FLNC: variants seen among roughly 807,000 people sequenced by gnomAD.
FLNC encodes filamin-C.
Under a neutral mutation model 254.3 loss-of-function variants are expected in FLNC, and 91 were observed. That is an observed-to-expected ratio of 0.36 (90% CI 0.30 to 0.43). The LOEUF (loss-of-function observed/expected upper bound fraction) is 0.43, where lower values mean the gene tolerates loss of function less well. Among genes scored for constraint, FLNC ranks in the 20% least tolerant of loss-of-function variants. The probability of loss-of-function intolerance (pLI) is 1.00; values close to 1 mark genes in which losing one functional copy is unlikely to be tolerated. For synonymous variants in FLNC, 1,430 were observed against 1,577.2 expected (o/e 0.91, Z 2.21); for missense variants, 2,853 against 3,802.6 (o/e 0.75, Z 6.57).
Position 128,856,478 on chromosome 7 carries a change from G to A in FLNC, c.7252-40G>A, listed in dbSNP as rs202028592. Reference sequence around the variant, plus strand: ...CTTCAGAGAAGACTGCTCCAGCCCCGGCCTCCCAGGAGTCTGAGCATCCTC... The same window carrying A: ...CTTCAGAGAAGACTGCTCCAGCCCCAGCCTCCCAGGAGTCTGAGCATCCTC... On this transcript the variant is annotated intron_variant, in intron 43 of 47. Transcript: ENST00000325888. The surrounding 1 kb of genome is among the most constrained non-coding windows in gnomAD (Gnocchi z 5.9). 35 of 1,606,648 alleles carry A rather than the reference G, an allele frequency of 2.2e-5. No individual in the cohort carries two copies. Among genetic ancestry groups the A allele is most frequent in the South Asian group, 1.2e-4 (11 of 91,068 alleles).
chr7:128,849,302 C>T (rs377521268), intron 29 of FLNC, 29 bp from the exon 30 acceptor site: 4 of 1,613,994 alleles, frequency 2.5e-6, no homozygotes, highest in Non-Finnish European at 3.4e-6. Flanking sequence ...AGCCCACCAG[C>T]TCCCTGAGCA....
At chr7:128,831,090 G>A in intron 1 of FLNC, 101 bp downstream of exon 1, 1 of 1,110,368 alleles carries the variant, frequency 9.0e-7, no homozygotes, top group South Asian at 1.4e-5. Context: ...TGAGAGACAG[G>A]GCGGAGGGCA....
In FLNC at chr7:128,842,333, A is replaced by G. The variant is rs769224072; in HGVS notation, c.2224A>G (p.Ile742Val). The G allele has an allele frequency of 3.7e-6, 6 of 1,613,536 alleles. No homozygotes were observed. In the South Asian group the frequency reaches 6.6e-5, roughly 18 times the overall value. The change falls in exon 14 of 48, where the codon ATC becomes GTC. Residue 742 changes from isoleucine to valine, a missense_variant. Physicochemically the swap from Ile to Val is conservative, Grantham distance 29. This residue lies in a region of FLNC where 1,573 missense variants were observed against 1,883.5 expected (regional missense o/e 0.84). Coordinates refer to ENST00000325888, the MANE Select transcript of FLNC (RefSeq NM_001458.5). The surrounding 1 kb of genome is among the most constrained non-coding windows in gnomAD (Gnocchi z 5.4). ...CAAGCCCATTAAGCACACCATCATC[A>G]TCTCCTGGGGAGGCGTAAACGTGCC... ...PTKPIKHTIIISWGGVNVPKS... is the reference protein window; with the variant it reads ...PTKPIKHTIIVSWGGVNVPKS...
At chr7:128,855,136 G>C in intron 42 of FLNC, 63 bp from the exon 43 acceptor site, 1 of 1,228,534 alleles carries the variant, frequency 8.1e-7, no homozygotes, top group Non-Finnish European at 1.2e-6. Flanking sequence ...AGGCCAGGGT[G>C]GGGAGGCTCC....
chr7:128,848,196 G>GC (rs1808645681), intron 26 of FLNC, 128 bp downstream of exon 26: 2 of 1,198,578 alleles, frequency 1.7e-6, no homozygotes, highest in Non-Finnish European at 2.4e-6. Context: ...GTCCAGTCTC[G>GC]CCACCCCATC....
At position 128,846,849 on chromosome 7, in the gene FLNC, C is replaced by T. The variant is rs1808589575; in HGVS notation, c.4232C>T (p.Pro1411Leu). Reference protein sequence around the residue: ...KDGSCTVEYIPFTPGDYDVNI... With the variant: ...KDGSCTVEYILFTPGDYDVNI... ...GGTAGCTGCACCGTGGAGTACATCC[C>T]CTTCACTCCTGGAGACTATGACGTC... The change falls in exon 24 of 48, where the codon CCC becomes CTC. Residue 1411 changes from proline to leucine, a missense_variant. Around this residue, in one of 10 missense-constraint regions of FLNC, gnomAD observed 1,573 missense variants for 1,883.5 expected, o/e 0.84. Transcript: ENST00000325888. The T allele has an allele frequency of 6.2e-7, 1 of 1,614,118 alleles. No homozygotes were observed. Among genetic ancestry groups the T allele is most frequent in the African/African-American group, 1.3e-5 (1 of 74,948 alleles).
chr7:128,850,379 T>C lies in FLNC; in HGVS notation c.5299-5T>C. ...TCACTGACTGTTCCCTCTCACCTGCTGCAGGCCACAGAGGAGCCAGTGGTG... is the reference window on the plus strand; with the variant it reads ...TCACTGACTGTTCCCTCTCACCTGCCGCAGGCCACAGAGGAGCCAGTGGTG... On this transcript the variant is annotated splice_polypyrimidine_tract_variant and splice_region_variant and intron_variant, in intron 31 of 47. Coordinates refer to ENST00000325888, the MANE Select transcript of FLNC (RefSeq NM_001458.5). 1 of 1,612,474 alleles carries C rather than the reference T, an allele frequency of 6.2e-7. No individual in the cohort carries two copies. Among genetic ancestry groups the C allele is most frequent in the African/African-American group, 1.3e-5 (1 of 75,036 alleles).
Position 128,835,031 on chromosome 7 carries a change from G to T in FLNC, c.353-295G>T, listed in dbSNP as rs1361691292. Reference sequence around the variant, plus strand: ...CCTGGGAGCCTTACAATCCCACAAGGCCAGAAAGAAACCAGGTAATTACAT... The same window carrying T: ...CCTGGGAGCCTTACAATCCCACAAGTCCAGAAAGAAACCAGGTAATTACAT... On this transcript the variant is annotated intron_variant, in intron 1 of 47. Transcript: ENST00000325888. The surrounding 1 kb of genome is among the most constrained non-coding windows in gnomAD (Gnocchi z 5.3). 6.6e-6 allele frequency among the ~76,000 whole-genome samples: 1 copy of T among 152,178 alleles called. No individual in the cohort carries two copies. The highest frequency in any genetic ancestry group is 2.4e-5 in the African/African-American group (1 of 41,430).
rs767085251 is a variant in FLNC, at chr7:128,844,648, C to T, written c.3193-10C>T. On this transcript the variant is annotated splice_polypyrimidine_tract_variant and intron_variant, in intron 20 of 47. Transcript: ENST00000325888. ...GGTGCAGGGAACCCACAACCTGCCTCTTCCCCTAGGTCTGTGCTTATGGCC... is the reference window on the plus strand; with the variant it reads ...GGTGCAGGGAACCCACAACCTGCCTTTTCCCCTAGGTCTGTGCTTATGGCC... The T allele has an allele frequency of 1.9e-6, 3 of 1,609,290 alleles. No homozygotes were observed. The highest frequency in any genetic ancestry group is 2.2e-5 in the South Asian group (2 of 91,076).
Position 128,849,407 on chromosome 7 carries a change from G to A in FLNC, c.5028G>A (p.Gly1676=), listed in dbSNP as rs1808710897. 1 of 1,614,214 alleles carries A rather than the reference G, an allele frequency of 6.2e-7. No individual in the cohort carries two copies. Among genetic ancestry groups the A allele is most frequent in the African/African-American group, 1.3e-5 (1 of 75,074 alleles). ...TGGATGCCAAGGCAGCCGGTGAGGG[G>A]AAGGTGACATGCACGGTGTCCACGC... ...ITVDAKAAGE[G]KVTCTVSTPD... The change falls in exon 30 of 48, where the codon GGG becomes GGA. Residue 1676 remains glycine, a synonymous_variant. Transcript: ENST00000325888.
intron 25 of FLNC, 26 bp from the exon 26 acceptor site, chr7:128,847,919 C>G: frequency 6.2e-7 from 1 of 1,613,800 alleles, no homozygotes; most frequent in Non-Finnish European, 8.5e-7. Context: ...CCCGGAGGCT[C>G]TGCTGACCCT....
chr7:128,857,829 A>C lies in FLNC; in HGVS notation c.7781-179A>C, dbSNP rs940974624. Among the ~76,000 whole-genome samples the C allele has an allele frequency of 2.0e-5, 3 of 152,166 alleles. No individual in the cohort carries two copies. The highest frequency in any genetic ancestry group is 4.4e-5 in the Non-Finnish European group (3 of 68,040). ...GAGCACCAGTTGGAGCTGGCAGCTC[A>C]GGGCCCTGGCTGGGAATGAGGCTGT... On this transcript the variant is annotated intron_variant, in intron 46 of 47. Coordinates refer to ENST00000325888, the MANE Select transcript of FLNC (RefSeq NM_001458.5). This position sits in a 1 kb window ranked among gnomAD's most constrained non-coding sequence, Gnocchi z 4.5.
rs2128937796 is a variant in FLNC at position 128,849,360 on chromosome 7, G to A, written c.4981G>A (p.Gly1661Arg). ...GACLGPRIQI[G>R]QETVITVDAK... is the part of the protein sequence containing the mutation. Reference sequence around the variant, plus strand: ...CTGCCTGGGCCCTCGAATCCAGATTGGGCAGGAGACGGTGATCACGGTGGA... The same window carrying A: ...CTGCCTGGGCCCTCGAATCCAGATTAGGCAGGAGACGGTGATCACGGTGGA... Residue 1661 changes from glycine to arginine, a missense_variant, in exon 30 of 48, where the codon GGG becomes AGG. Coordinates refer to ENST00000325888, the MANE Select transcript of FLNC (RefSeq NM_001458.5). The A allele has an allele frequency of 6.2e-7, 1 of 1,614,148 alleles. No homozygotes were observed. Among genetic ancestry groups the A allele is most frequent in the Non-Finnish European group, 8.5e-7 (1 of 1,180,042 alleles).
Position 128,843,276 on chromosome 7 carries a change from T to C in FLNC, c.2598T>C (p.Asp866=). ...PFHIKVDPSH[D]ASKVKAEGPG... is the part of the protein sequence containing the mutation. ...ACATCAAGGTGGACCCATCCCACGA[T>C]GCCAGCAAAGTCAAGGCCGAGGGCC... Residue 866 remains aspartate, a synonymous_variant, in exon 17 of 48, where the codon GAT becomes GAC. Coordinates refer to ENST00000325888, the MANE Select transcript of FLNC (RefSeq NM_001458.5). The C allele has an allele frequency of 6.2e-7, 1 of 1,611,908 alleles. No individual in the cohort carries two copies. Among genetic ancestry groups the C allele is most frequent in the Non-Finnish European group, 8.5e-7 (1 of 1,178,998 alleles).
In FLNC at chr7:128,830,824, G is replaced by T. The variant is rs762095259; in HGVS notation, c.187G>T (p.Asp63Tyr). ...VGKRLTDLQRDLSDGLRLIAL... is the reference protein window; with the variant it reads ...VGKRLTDLQRYLSDGLRLIAL... ...CAAGCGCCTGACCGACCTGCAGCGC[G>T]ACCTCAGCGACGGGCTCCGGCTCAT... Residue 63 changes from aspartate (D) to tyrosine (Y), a missense_variant, in exon 1 of 48, where the codon GAC (aspartate) becomes TAC (tyrosine). This residue lies in a region of FLNC where 59 missense variants were observed against 59.8 expected (regional missense o/e 0.99). Coordinates refer to ENST00000325888, the MANE Select transcript of FLNC (RefSeq NM_001458.5). 1.9e-6 allele frequency: 3 copies of T among 1,613,088 alleles called. No individual in the cohort carries two copies. Among genetic ancestry groups the T allele is most frequent in the Non-Finnish European group, 2.5e-6 (3 of 1,179,946 alleles).
chr7:128,839,293 G>A (rs2128934656), intron 8 of FLNC, among the ~76,000 whole-genome samples: 1 of 152,354 alleles, frequency 6.6e-6, no homozygotes, highest in East Asian at 1.9e-4. Flanking sequence ...GCCGTTGTCT[G>A]TGTTCTGTGG....
At position 128,855,292 on chromosome 7, in the gene FLNC, G is replaced by A. The variant is rs558239439; in HGVS notation, c.7229G>A (p.Arg2410His). The change falls in exon 43 of 48, where the codon CGT (arginine) becomes CAT (histidine). Residue 2410 changes from arginine to histidine, a missense_variant. Transcript: ENST00000325888. ...GCCTCCCTCTCGGATGACGCTCGCCGTCTCACTGTCACCAGCCTCCAGGTT... is the reference window on the plus strand; with the variant it reads ...GCCTCCCTCTCGGATGACGCTCGCCATCTCACTGTCACCAGCCTCCAGGTT... ...PVASLSDDAR[R>H]LTVTSLQETG... is the part of the protein sequence containing the mutation. 1.6e-5 allele frequency: 26 copies of A among 1,612,490 alleles called. No individual in the cohort carries two copies. Among genetic ancestry groups the A allele is most frequent in the African/African-American group, 1.3e-4 (10 of 74,974 alleles).
Position 128,854,918 on chromosome 7 carries a change from C to T in FLNC, c.7135+6C>T, listed in dbSNP as rs774739675. ...CTATGTCGTCCAGGAACCAGGTGGG[C>T]GTCCACACTGGCAGTGGGGCTGGGC... On this transcript the variant is annotated splice_donor_region_variant and intron_variant, in intron 42 of 47. Transcript: ENST00000325888. 35 of 1,613,654 alleles carry T rather than the reference C, an allele frequency of 2.2e-5. No individual in the cohort carries two copies. The South Asian group carries it at 3.3e-4, about 15-fold the overall frequency.
At position 128,841,330 on chromosome 7, in the gene FLNC, C is replaced by G; in HGVS notation, c.1974C>G (p.Ile658Met). 6.2e-7 allele frequency: 1 copy of G among 1,614,048 alleles called. No homozygotes were observed. The highest frequency in any genetic ancestry group is 1.3e-5 in the African/African-American group (1 of 75,040). ...DIRDSPFIAH[I>M]LPAPPDCFPD... ...GAGACTCACCCTTCATTGCCCACAT[C>G]CTGCCCGCCCCACCTGACTGCTTCC... The change falls in exon 12 of 48, where the codon ATC (isoleucine) becomes ATG (methionine). Residue 658 changes from isoleucine (I) to methionine (M), a missense_variant. Ile to Met is a conservative substitution (Grantham distance 10, BLOSUM62 1). Around this residue, in one of 10 missense-constraint regions of FLNC, gnomAD observed 1,573 missense variants for 1,883.5 expected, o/e 0.84. Transcript: ENST00000325888. The surrounding 1 kb of genome is among the most constrained non-coding windows in gnomAD (Gnocchi z 4.3).
Sources: gnomAD v4.1 joint callset for allele counts (sites outside exome capture counted in the v4.1 genomes callset) on GRCh38, gnomAD v4.1.1 for gene constraint, gnomAD v4.1.1 regional missense constraint, Gnocchi (gnomAD v3.1) non-coding constraint, MANE v1.5 for transcripts, NCBI Gene and HGNC (gene_info 2026-07-23, HGNC 2026-07-21) for gene names.